Variants in NRG3 observed in about 807,000 individuals in gnomAD.
The protein encoded by NRG3 is neuregulin 3.
In NRG3, 31 loss-of-function variants were observed where a neutral mutation model predicts 66.9. The ratio of observed to expected loss-of-function variants is 0.46; its 90% CI spans 0.35 to 0.63. NRG3 has a LOEUF of 0.63. NRG3 is among the 20% of genes least tolerant of loss of function. The pLI, the probability that NRG3 is intolerant of heterozygous loss-of-function variation, is 0.00. For missense variants in NRG3, 910 were observed against 878.9 expected (o/e 1.04, Z -0.45); for synonymous variants, 393 against 359.4 (o/e 1.09, Z -1.06).
At chr10:82,453,291 G>A (rs1227580006) in intron 2 of NRG3, among the ~76,000 whole-genome samples, 5 of 152,078 alleles carry the variant, frequency 3.3e-5, no homozygotes, top group Non-Finnish European at 7.4e-5. Flanking sequence ...GAGCTAGGCC[G>A]TATTATGAGT....
chr10:81,919,551 G>T (rs573700727), intron 1 of NRG3, among the ~76,000 whole-genome samples: 2 of 152,148 alleles, frequency 1.3e-5, no homozygotes, highest in East Asian at 3.9e-4. Flanking sequence ...TTGCTTCAAA[G>T]AATTTATAGT....
chr10:82,914,814 T>G (rs1454613971), intron 4 of NRG3, among the ~76,000 whole-genome samples: 1 of 151,788 alleles, frequency 6.6e-6, no homozygotes, highest in Non-Finnish European at 1.5e-5. Context: ...TCAAATTAGG[T>G]ATTTCCCTCC....
intron 1 of NRG3, among the ~76,000 whole-genome samples, chr10:82,087,346 T>A (rs896991793): frequency 6.6e-6 from 1 of 152,134 alleles, no homozygotes; most frequent in Non-Finnish European, 1.5e-5. Context: ...CCGCCTCTTT[T>A]GTGAAGCTTT....
At chr10:82,107,864 T>C (rs2132200767) in intron 1 of NRG3, among the ~76,000 whole-genome samples, 1 of 152,322 alleles carries the variant, frequency 6.6e-6, no homozygotes, top group South Asian at 2.1e-4. Flanking sequence ...TTCCTTTTTT[T>C]CTCCCCTAAA....
chr10:82,040,841 A>G (rs886585626), intron 1 of NRG3, among the ~76,000 whole-genome samples: 2 of 152,070 alleles, frequency 1.3e-5, no homozygotes, highest in South Asian at 4.1e-4. Flanking sequence ...ATTTTTAGGT[A>G]TATTTGAACA....
intron 2 of NRG3, among the ~76,000 whole-genome samples, chr10:82,676,560 T>C (rs1293000232): frequency 1.3e-5 from 2 of 152,128 alleles, no homozygotes; most frequent in South Asian, 4.1e-4. Flanking sequence ...CTTGGCTCAC[T>C]GCAACCTTCA....
chr10:82,078,300 A>G (rs1309367926), intron 1 of NRG3, among the ~76,000 whole-genome samples: 1 of 152,128 alleles, frequency 6.6e-6, no homozygotes, highest in Non-Finnish European at 1.5e-5. Context: ...TAGGAGATGA[A>G]GGTGAATGCT....
chr10:82,976,042 C>T (rs1156526518), intron 7 of NRG3, among the ~76,000 whole-genome samples: 1 of 151,940 alleles, frequency 6.6e-6, no homozygotes, highest in Non-Finnish European at 1.5e-5. Flanking sequence ...CAATATAAGT[C>T]ACTTATCTTT....
chr10:82,975,045 G>A (rs1334004967), intron 7 of NRG3, among the ~76,000 whole-genome samples: 1 of 152,162 alleles, frequency 6.6e-6, no homozygotes, highest in Non-Finnish European at 1.5e-5. Flanking sequence ...TTCAATTCAG[G>A]ATTGAAATAT....
intron 4 of NRG3, among the ~76,000 whole-genome samples, chr10:82,874,695 A>C (rs1025722450): frequency 3.9e-5 from 6 of 152,204 alleles, no homozygotes; most frequent in African/African-American, 1.4e-4. Flanking sequence ...CTATCTTACA[A>C]ATGACAAAAC....
intron 4 of NRG3, among the ~76,000 whole-genome samples, chr10:82,869,605 T>TATTTTATTTTA (rs1453784972): frequency 2.7e-5 from 4 of 148,142 alleles, no homozygotes; most frequent in African/African-American, 1.0e-4. Context: ...TATTTTATTT[T>TATTTTATTTTA]ATTTTATTTT....
At chr10:82,964,540 G>T (rs1387055220) in intron 6 of NRG3, among the ~76,000 whole-genome samples, 5 of 152,100 alleles carry the variant, frequency 3.3e-5, no homozygotes, top group Non-Finnish European at 5.9e-5. Context: ...TTGCTGCTTT[G>T]GTGTCCATGC....
chr10:82,100,983 T>C (rs2066694669), intron 1 of NRG3, among the ~76,000 whole-genome samples: 1 of 152,056 alleles, frequency 6.6e-6, no homozygotes, highest in South Asian at 2.1e-4. Context: ...TGGAGTTTTA[T>C]TTGTTGGAAA....
intron 1 of NRG3, among the ~76,000 whole-genome samples, chr10:82,190,637 C>T (rs1340440750): frequency 1.3e-5 from 2 of 152,166 alleles, no homozygotes; most frequent in Non-Finnish European, 2.9e-5. Context: ...CCCACTGGCT[C>T]TGTGACCTCA....
intron 1 of NRG3, 54 bp downstream of exon 1, chr10:81,876,217 C>A: frequency 6.6e-7 from 1 of 1,510,440 alleles, no homozygotes. Flanking sequence ...CCCTTCTGCC[C>A]TCCTGCTGTC....
intron 3 of NRG3, among the ~76,000 whole-genome samples, chr10:82,835,385 T>C (rs2062724373): frequency 2.6e-5 from 4 of 152,190 alleles, no homozygotes; most frequent in Non-Finnish European, 5.9e-5. Context: ...TCCATTTCTT[T>C]CAAACTTCCG....
chr10:82,666,724 C>T (rs1269305356), intron 2 of NRG3, among the ~76,000 whole-genome samples: 1 of 152,184 alleles, frequency 6.6e-6, no homozygotes, highest in Admixed American at 6.5e-5. Flanking sequence ...ACTTCTATCC[C>T]AATTCTGACC....
intron 2 of NRG3, among the ~76,000 whole-genome samples, chr10:82,420,821 A>T (rs1241344843): frequency 6.6e-6 from 1 of 152,220 alleles, no homozygotes; most frequent in Admixed American, 6.6e-5. Flanking sequence ...TAAAATGGAC[A>T]ATAAAAAGGG....
Position 82,710,564 on chromosome 10 carries a change from C to A in NRG3, c.954-28013C>A, listed in dbSNP as rs146176217. Among the ~76,000 whole-genome samples the A allele has an allele frequency of 7.4e-3, 799 of 107,340 alleles. 10 individuals are homozygous for A. Among genetic ancestry groups the A allele is most frequent in the African/African-American group, 0.026 (700 of 27,400 alleles). The allele number at this position is 107,340 out of a possible 152,430, so 70.4% of individuals were successfully genotyped here. On this transcript the variant is annotated intron_variant, in intron 2 of 8. Coordinates refer to ENST00000372141, the MANE Select transcript of NRG3 (RefSeq NM_001010848.4). ...TCGCACGACTGCACTCCAGCCTGGG[C>A]GACAAGAGCAAGACTCCATCTCAAA...
Sources: gnomAD v4.1 joint callset for allele counts (sites outside exome capture counted in the v4.1 genomes callset) on GRCh38, gnomAD v4.1.1 for gene constraint, MANE v1.5 for transcripts, NCBI Gene and HGNC (gene_info 2026-07-23, HGNC 2026-07-21) for gene names.